The following TES variants were observed in gnomAD, a reference collection of about 807,000 sequenced individuals.
The protein encoded by TES is testin LIM domain protein, also known as testin.
A neutral mutation model predicts 48.2 loss-of-function variants in TES; 41 were observed. That is an observed-to-expected ratio of 0.85 (90% CI 0.66 to 1.10). The LOEUF is 1.10. Among genes scored for constraint, TES ranks in the 50% least tolerant of loss-of-function variants. The pLI, the probability that TES is intolerant of heterozygous loss-of-function variation, is 0.00. For missense variants in TES, 463 were observed against 515.1 expected, an observed-to-expected ratio of 0.90 and a Z score of 0.98; for synonymous variants, 162 against 174.9, an observed-to-expected ratio of 0.93 and a Z score of 0.58.
intron 1 of TES, among the ~76,000 whole-genome samples, chr7:116,219,053 TACAA>T (rs1799527129): frequency 6.6e-6 from 1 of 152,090 alleles, no homozygotes; most frequent in South Asian, 2.1e-4. Flanking sequence ...ATAATAGAAA[TACAA>T]ACAACTGTTA....
At position 116,234,381 on chromosome 7, in the gene TES, T is replaced by C. The variant is rs73452223; in HGVS notation, c.28-153T>C. Among the ~76,000 whole-genome samples the C allele has an allele frequency of 4.8e-3, 730 of 152,350 alleles. 5 individuals are homozygous for C. Among genetic ancestry groups the C allele is most frequent in the African/African-American group, 0.017 (699 of 41,570 alleles). ...GTTATGTATGTACTTGGAACTGCCA[T>C]GTACATACCTGGGTATCATCATTGA... On this transcript the variant is annotated intron_variant, in intron 1 of 6. Coordinates refer to ENST00000358204, the MANE Select transcript of TES (RefSeq NM_015641.4).
chr7:116,252,510 C>T, intron 6 of TES, 34 bp downstream of exon 6: 1 of 1,614,080 alleles, frequency 6.2e-7, no homozygotes. Flanking sequence ...GTTGCCTCAG[C>T]CTGCTTTAGG....
intron 4 of TES, 37 bp from the exon 5 acceptor site, chr7:116,251,723 C>T (rs564799749): frequency 1.3e-6 from 2 of 1,548,452 alleles, no homozygotes; most frequent in African/African-American, 1.4e-5. Context: ...TGGCAGTCTT[C>T]TAATGACTAG....
Position 116,250,370 on chromosome 7 carries a change from C to T in TES, c.576C>T (p.Val192=). The change falls in exon 4 of 7, where the codon GTC becomes GTT. Residue 192 remains valine (V), a synonymous_variant. Coordinates refer to ENST00000358204, the MANE Select transcript of TES (RefSeq NM_015641.4). ...GCGAAGCTCTGGGAGTAGGAGATGT[C>T]AAACTTCCCTGTGAGATGGATGCCC... is the stretch of plus-strand genomic sequence containing the variant. The part of the protein sequence containing the change: ...YKSEALGVGD[V]KLPCEMDAQG... The T allele has an allele frequency of 1.2e-6, 2 of 1,613,928 alleles. No homozygotes were observed. Among genetic ancestry groups the T allele is most frequent in the Non-Finnish European group, 1.7e-6 (2 of 1,179,896 alleles).
intron 2 of TES, among the ~76,000 whole-genome samples, chr7:116,240,874 T>C (rs983221805): frequency 4.6e-5 from 7 of 152,032 alleles, no homozygotes; most frequent in African/African-American, 1.7e-4. Context: ...TGTTTAAATC[T>C]ATATATATCA....
intron 2 of TES, among the ~76,000 whole-genome samples, chr7:116,235,046 C>T (rs142537758): frequency 2.6e-5 from 4 of 152,280 alleles, no homozygotes; most frequent in East Asian, 3.9e-4. Context: ...CTGGTTCAAG[C>T]GATTCTCTTG....
intron 2 of TES, among the ~76,000 whole-genome samples, chr7:116,241,959 T>G (rs1054316439): frequency 6.6e-5 from 10 of 152,212 alleles, no homozygotes; most frequent in Non-Finnish European, 1.3e-4. Flanking sequence ...CACCATAGTT[T>G]ATTCATGCTT....
chr7:116,237,715 A>G (rs1352306932), intron 2 of TES, among the ~76,000 whole-genome samples: 1 of 152,142 alleles, frequency 6.6e-6, no homozygotes, highest in Non-Finnish European at 1.5e-5. Context: ...ACTTTCTTCC[A>G]GTTCTAGAGG....
Position 116,257,513 on chromosome 7 carries a change from G to C in TES, c.*31G>C. On this transcript the variant is annotated 3_prime_UTR_variant, in exon 7 of 7. Transcript: ENST00000358204. ...GGGCACCCAGAAGTATCGAGCCATA[G>C]CTATCCAAAGTGGTCTGCATTTCTA... is the stretch of plus-strand genomic sequence containing the variant. 1 of 1,521,832 alleles carries C rather than the reference G, an allele frequency of 6.6e-7. No individual in the cohort carries two copies. The highest frequency in any genetic ancestry group is 1.4e-5 in the African/African-American group (1 of 72,398). The allele number at this position is 1,521,832 out of a possible 1,614,324, so 94.3% of individuals were successfully genotyped here.
chr7:116,226,491 G>A (rs980486133), intron 1 of TES, among the ~76,000 whole-genome samples: 43 of 152,204 alleles, frequency 2.8e-4, no homozygotes, highest in African/African-American at 1.0e-3. Flanking sequence ...GCGGCTGGAG[G>A]GGAGTGGTGT....
rs1584605465 is a variant in TES at position 116,210,670 on chromosome 7, C to T, written c.-38C>T. On this transcript the variant is annotated 5_prime_UTR_variant, in exon 1 of 7. Transcript: ENST00000358204. Reference sequence around the variant, plus strand: ...CCAGCTGAACCCGGCCGTGGGATCCCGGATAGGAGGAGGAGGGGACCCATA... The same window carrying T: ...CCAGCTGAACCCGGCCGTGGGATCCTGGATAGGAGGAGGAGGGGACCCATA... 7.7e-7 allele frequency: 1 copy of T among 1,305,458 alleles called. No individual in the cohort carries two copies. 80.9% of individuals were successfully genotyped at this position (1,305,458 alleles called of 1,614,324 possible).
rs370547631 is a variant in TES, at chr7:116,239,300, T to A, written c.113+4681T>A. 8.5e-5 allele frequency: 13 copies of A among 152,056 alleles called. No individual in the cohort carries two copies. In the East Asian group the frequency reaches 1.4e-3, roughly 16 times the overall value. 9.4% of individuals were successfully genotyped at this position (152,056 alleles called of 1,614,324 possible). A position where few individuals can be genotyped will look rare whatever the true frequency, so the allele number is the denominator to read the frequency against. ...TTTTTAAGGGCTCACATGATTAGAG[T>A]AGGCACGCCTGGAAAATCTCCCATT... is the stretch of plus-strand genomic sequence containing the variant. On this transcript the variant is annotated intron_variant, in intron 2 of 6. Transcript: ENST00000358204.
rs1348303228 is a variant in TES at position 116,210,738 on chromosome 7, G to A, written c.27+4G>A. On this transcript the variant is annotated splice_donor_region_variant and intron_variant, in intron 1 of 6. Coordinates refer to ENST00000358204, the MANE Select transcript of TES (RefSeq NM_015641.4). ...CCTGGAAAACAAAGTGAAGAAGGTA[G>A]GGGGGCGCTCGTGGCGGGCGGCGGC... 1.6e-6 allele frequency: 2 copies of A among 1,244,760 alleles called. No individual in the cohort carries two copies. The highest frequency in any genetic ancestry group is 1.6e-5 in the African/African-American group (1 of 64,000). The allele number at this position is 1,244,760 out of a possible 1,614,324, so 77.1% of individuals were successfully genotyped here.
intron 1 of TES, among the ~76,000 whole-genome samples, chr7:116,229,764 A>T (rs1395466394): frequency 3.3e-5 from 5 of 152,218 alleles, no homozygotes; most frequent in Non-Finnish European, 7.3e-5. Context: ...TAATTTTATA[A>T]TATAAATTGG....
intron 6 of TES, 110 bp downstream of exon 6, chr7:116,252,586 G>A (rs781185040): frequency 6.6e-7 from 1 of 1,511,700 alleles, no homozygotes; most frequent in South Asian, 1.1e-5. Flanking sequence ...CTCCTAAGTA[G>A]AAAGCAAATT....
rs941996764 is a variant in TES at position 116,250,256 on chromosome 7, C to A, written c.462C>A (p.Leu154=). ...GGAAGAAGCAGCTGGCAAAGCAGCT[C>A]CCTGCACATGACCAGGACCCTTCAA... ...QYRKKQLAKQ[L]PAHDQDPSKC... Residue 154 remains leucine, a synonymous_variant, in exon 4 of 7, where the codon CTC becomes CTA. Coordinates refer to ENST00000358204, the MANE Select transcript of TES (RefSeq NM_015641.4). 1 of 1,611,820 alleles carries A rather than the reference C, an allele frequency of 6.2e-7. No individual in the cohort carries two copies. The highest frequency in any genetic ancestry group is 1.7e-4 in the Middle Eastern group (1 of 6,050).
intron 1 of TES, among the ~76,000 whole-genome samples, chr7:116,216,783 C>T (rs964464117): frequency 6.6e-6 from 1 of 151,870 alleles, no homozygotes; most frequent in South Asian, 2.1e-4. Flanking sequence ...TAATTTAAAT[C>T]TGTAGTATAA....
At chr7:116,228,193 C>T (rs1015039255) in intron 1 of TES, among the ~76,000 whole-genome samples, 1 of 151,956 alleles carries the variant, frequency 6.6e-6, no homozygotes, top group Non-Finnish European at 1.5e-5. Context: ...AGGCACAGAT[C>T]ATGGGAATGT....
At chr7:116,224,249 C>G (rs774092253) in intron 1 of TES, among the ~76,000 whole-genome samples, 1 of 152,174 alleles carries the variant, frequency 6.6e-6, no homozygotes, top group East Asian at 1.9e-4. Flanking sequence ...TAAGCCACTT[C>G]CAAATTCCTG....
Sources: allele counts gnomAD v4.1 joint callset (sites outside exome capture counted in the v4.1 genomes callset), GRCh38; gene constraint gnomAD v4.1.1; transcripts MANE v1.5; gene names NCBI Gene and HGNC (gene_info 2026-07-23, HGNC 2026-07-21).